Variants in GLP1R observed in about 807,000 individuals in gnomAD.
GLP1R encodes glucagon like peptide 1 receptor, also known as glucagon-like peptide 1 receptor.
GLP1R carries 32 observed loss-of-function variants against 68.4 expected under a neutral mutation model. The observed-to-expected ratio is 0.47, with a 90% CI of 0.35 to 0.63. GLP1R has a LOEUF of 0.63. Among genes scored for constraint, GLP1R ranks in the 20% least tolerant of loss-of-function variants. GLP1R has a pLI of 0.00. For missense variants in GLP1R, 502 were observed against 594.9 expected (o/e 0.84, Z 1.62); for synonymous variants, 263 against 244.4 (o/e 1.08, Z -0.71).
At chr6:39,081,387 C>T (rs532687067) in intron 12 of GLP1R, among the ~76,000 whole-genome samples, 27 of 152,314 alleles carry the variant, frequency 1.8e-4, no homozygotes, top group Non-Finnish European at 3.4e-4. Flanking sequence ...CCCTGGCTCA[C>T]TGTGGGGAAG....
chr6:39,050,866 A>G (rs189951786), intron 1 of GLP1R, among the ~76,000 whole-genome samples: 1 of 152,268 alleles, frequency 6.6e-6, no homozygotes, highest in East Asian at 1.9e-4. Flanking sequence ...AGGGAAGAGA[A>G]AGGGGTGAAG....
chr6:39,055,731 GGGT>G (rs200164020), intron 1 of GLP1R, among the ~76,000 whole-genome samples: 1 of 152,034 alleles, frequency 6.6e-6, no homozygotes, highest in South Asian at 2.1e-4. Context: ...AGGGGGTGGG[GGGT>G]GCTGTGTTGA....
chr6:39,063,926 A>AACACACACACACACACAC (rs530782175), intron 3 of GLP1R, among the ~76,000 whole-genome samples: 1 of 130,240 alleles, frequency 7.7e-6, no homozygotes, highest in African/African-American at 3.0e-5. Context: ...ACAGACACAT[A>AACACACACACACACACAC]ACACACACAC....
At chr6:39,056,355 C>G in intron 1 of GLP1R, 42 bp from the exon 2 acceptor site, 1 of 1,022,670 alleles carries the variant, frequency 9.8e-7, no homozygotes, top group South Asian at 1.3e-5. Flanking sequence ...AGGAGAGGGG[C>G]TGGCTGAACC....
chr6:39,076,468 G>A (rs187949143), intron 7 of GLP1R, among the ~76,000 whole-genome samples: 1 of 152,246 alleles, frequency 6.6e-6, no homozygotes, highest in East Asian at 1.9e-4. Flanking sequence ...CTGGTCCGCT[G>A]GGGGCTCCTT....
intron 4 of GLP1R, 82 bp from the exon 5 acceptor site, chr6:39,066,115 T>G (rs1240330570): frequency 2.5e-6 from 2 of 805,506 alleles, no homozygotes; most frequent in East Asian, 2.5e-5. Flanking sequence ...GCCCCAGCTC[T>G]GTCTCTGTGC....
rs556760022 is a variant in GLP1R at position 39,089,327 on chromosome 6, G to T, written c.*3254G>T. Reference sequence around the variant, plus strand: ...CTCTATGTGTTTGAAAAGTTGTATTGATAGTCACACAGAGTGTACTAAAAT... The same window carrying T: ...CTCTATGTGTTTGAAAAGTTGTATTTATAGTCACACAGAGTGTACTAAAAT... On this transcript the variant is annotated 3_prime_UTR_variant, in exon 13 of 13. Transcript: ENST00000373256. The surrounding 1 kb of genome is among the most constrained non-coding windows in gnomAD (Gnocchi z 4.1). Among the ~76,000 whole-genome samples, 60 of 152,104 alleles carry T rather than the reference G, an allele frequency of 3.9e-4. No homozygotes were observed. Among genetic ancestry groups the T allele is most frequent in the Non-Finnish European group, 8.8e-5 (6 of 67,996 alleles).
At chr6:39,080,378 A>G (rs1768968367) in intron 11 of GLP1R, among the ~76,000 whole-genome samples, 2 of 152,138 alleles carry the variant, frequency 1.3e-5, no homozygotes, top group Non-Finnish European at 2.9e-5. Context: ...CTCCTCAAGG[A>G]GAGGTTGGAT....
intron 3 of GLP1R, among the ~76,000 whole-genome samples, chr6:39,059,033 T>A (rs1247170336): frequency 6.6e-6 from 1 of 152,110 alleles, no homozygotes; most frequent in African/African-American, 2.4e-5. Context: ...GGGACTGAAG[T>A]CAGATGAGGC....
rs772639470 is a variant in GLP1R at position 39,066,186 on chromosome 6, G to A, written c.403-11G>A. 1.6e-5 allele frequency: 23 copies of A among 1,480,932 alleles called. No individual in the cohort carries two copies. The highest frequency in any genetic ancestry group is 2.3e-5 in the East Asian group (1 of 44,294). The allele number at this position is 1,480,932 out of a possible 1,614,324, so 91.7% of individuals were successfully genotyped here. A position where few individuals can be genotyped will look rare whatever the true frequency, so the allele number is the denominator to read the frequency against. ...CTGCCCATGTACACGTATGTCCCCCGTGTGCCACAGAGCTCCCCGGAGGAG... is the reference window on the plus strand; with the variant it reads ...CTGCCCATGTACACGTATGTCCCCCATGTGCCACAGAGCTCCCCGGAGGAG... On this transcript the variant is annotated splice_polypyrimidine_tract_variant and intron_variant, in intron 4 of 12. Coordinates refer to ENST00000373256, the MANE Select transcript of GLP1R (RefSeq NM_002062.5).
intron 3 of GLP1R, among the ~76,000 whole-genome samples, chr6:39,062,405 A>G (rs1476869741): frequency 2.0e-5 from 3 of 152,178 alleles, no homozygotes; most frequent in Admixed American, 6.5e-5. Flanking sequence ...CCAGCCAGGA[A>G]CCAGCCTGGC....
Position 39,079,150 on chromosome 6 carries a change from G to C in GLP1R, c.993G>C (p.Val331=). 1 of 1,614,080 alleles carries C rather than the reference G, an allele frequency of 6.2e-7. No homozygotes were observed. The highest frequency in any genetic ancestry group is 8.5e-7 in the Non-Finnish European group (1 of 1,179,964). ...TCTTTGTTCGGGTCATCTGCATCGT[G>C]GTATCCAAACTGAAGGCCAATCTCA... The part of the protein sequence containing the change: ...FLIFVRVICI[V]VSKLKANLMC... The change falls in exon 10 of 13, where the codon GTG becomes GTC. Residue 331 remains valine (V), a synonymous_variant. Transcript: ENST00000373256. The surrounding 1 kb of genome is among the most constrained non-coding windows in gnomAD (Gnocchi z 4.5).
At position 39,088,833 on chromosome 6, in the gene GLP1R, C is replaced by A. The variant is rs1472645050; in HGVS notation, c.*2760C>A. Among the ~76,000 whole-genome samples the A allele has an allele frequency of 6.6e-6, 1 of 152,056 alleles. No individual in the cohort carries two copies. Among genetic ancestry groups the A allele is most frequent in the African/African-American group, 2.4e-5 (1 of 41,396 alleles). ...CTGAGCAGAGAAAGACCTTGGTGAT[C>A]CCCCCTGGCCCGATCTATAGGATTG... is the stretch of plus-strand genomic sequence containing the variant. On this transcript the variant is annotated 3_prime_UTR_variant, in exon 13 of 13. Coordinates refer to ENST00000373256, the MANE Select transcript of GLP1R (RefSeq NM_002062.5).
At position 39,079,457 on chromosome 6, in the gene GLP1R, A is replaced by G. The variant is rs1049466623; in HGVS notation, c.1044-107A>G. 13 of 1,172,048 alleles carry G rather than the reference A, an allele frequency of 1.1e-5. No individual in the cohort carries two copies. The highest frequency in any genetic ancestry group is 2.4e-5 in the East Asian group (1 of 42,008). 72.6% of individuals were successfully genotyped at this position (1,172,048 alleles called of 1,614,324 possible). A position where few individuals can be genotyped will look rare whatever the true frequency, so the allele number is the denominator to read the frequency against. ...GGGTATTTGGGGTGGGAGAACATCC[A>G]TGACCCAGATATCAGGACTTGGTAG... On this transcript the variant is annotated intron_variant, in intron 10 of 12. Transcript: ENST00000373256. This position sits in a 1 kb window ranked among gnomAD's most constrained non-coding sequence, Gnocchi z 4.5.
At chr6:39,059,155 A>T (rs148249879) in intron 3 of GLP1R, among the ~76,000 whole-genome samples, 20 of 152,350 alleles carry the variant, frequency 1.3e-4, no homozygotes, top group Non-Finnish European at 2.4e-4. Context: ...GCCTGGGCCC[A>T]TCAGTGGCCT....
Position 39,079,275 on chromosome 6 carries a change from G to A in GLP1R, c.1043+75G>A. ...TCCTTCTAGCAGAGAGAGAGAGAGA[G>A]ATCCTGGGATGCTTAGCTTAGAGCC... is the stretch of plus-strand genomic sequence containing the variant. On this transcript the variant is annotated intron_variant, in intron 10 of 12. Transcript: ENST00000373256. This position sits in a 1 kb window ranked among gnomAD's most constrained non-coding sequence, Gnocchi z 4.5. The A allele has an allele frequency of 2.9e-6, 3 of 1,050,926 alleles. No individual in the cohort carries two copies. The highest frequency in any genetic ancestry group is 4.4e-6 in the Non-Finnish European group (3 of 680,840). The allele number at this position is 1,050,926 out of a possible 1,614,324, so 65.1% of individuals were successfully genotyped here.
rs924221995 is a variant in GLP1R, at chr6:39,086,176, C to CAT, written c.*104_*105insTA. 3.2e-6 allele frequency: 2 copies of CAT among 630,174 alleles called. No homozygotes were observed. Among genetic ancestry groups the CAT allele is most frequent in the African/African-American group, 3.8e-5 (2 of 53,308 alleles). 39.0% of individuals were successfully genotyped at this position (630,174 alleles called of 1,614,324 possible). On this transcript the variant is annotated 3_prime_UTR_variant, in exon 13 of 13. Coordinates refer to ENST00000373256, the MANE Select transcript of GLP1R (RefSeq NM_002062.5). The surrounding 1 kb of genome is among the most constrained non-coding windows in gnomAD (Gnocchi z 4.5). ...ACAAGGGAAGGAAGGGACACACACA[C>CAT]ACACACACACACACACACACACACA...
intron 2 of GLP1R, among the ~76,000 whole-genome samples, chr6:39,056,840 C>T (rs759374098): frequency 3.3e-5 from 5 of 152,132 alleles, no homozygotes; most frequent in Admixed American, 6.5e-5. Context: ...TTCCCTGCAC[C>T]GCCGGCCAGC....
intron 3 of GLP1R, among the ~76,000 whole-genome samples, chr6:39,064,498 C>G (rs144661426): frequency 1.6e-4 from 25 of 152,332 alleles, no homozygotes; most frequent in Non-Finnish European, 3.4e-4. Flanking sequence ...TGCAGCTTCT[C>G]TCCTTGGTCC....
Sources: gnomAD v4.1 joint callset for allele counts (sites outside exome capture counted in the v4.1 genomes callset) on GRCh38, gnomAD v4.1.1 for gene constraint, Gnocchi (gnomAD v3.1) non-coding constraint, MANE v1.5 for transcripts, NCBI Gene and HGNC (gene_info 2026-07-23, HGNC 2026-07-21) for gene names.